TXNDC9: variants seen among roughly 807,000 people sequenced by gnomAD.
The protein encoded by TXNDC9 is thioredoxin domain-containing protein 9.
In TXNDC9, 7 loss-of-function variants were observed where a neutral mutation model predicts 23.0. The observed-to-expected ratio is 0.30, with a 90% CI of 0.17 to 0.57. The LOEUF (loss-of-function observed/expected upper bound fraction) is 0.57. Ranked by LOEUF, TXNDC9 falls within the 20% of genes least tolerant of loss-of-function variation. TXNDC9 has a pLI of 0.90. For synonymous variants in TXNDC9, 72 were observed against 90.6 expected (o/e 0.79, Z 1.17); for missense variants, 198 against 252.6 (o/e 0.78, Z 1.47).
At position 99,322,659 on chromosome 2, in the gene TXNDC9, G is replaced by A. The variant is rs866572221; in HGVS notation, c.309-450C>T. ...AACTTCTTACTCCTAAATATGCAAC[G>A]CTGTCAGTAAGAAGCACATTAAGGC... is the stretch of plus-strand genomic sequence containing the variant. On this transcript the variant is annotated intron_variant, in intron 3 of 4. Coordinates refer to ENST00000264255, the MANE Select transcript of TXNDC9 (RefSeq NM_005783.4). 2.0e-5 allele frequency: 31 copies of A among 1,538,560 alleles called. No homozygotes were observed. In the Middle Eastern group the frequency reaches 2.0e-3, roughly 100 times the overall value.
downstream of TXNDC9, among the ~76,000 whole-genome samples, chr2:99,317,491 G>A (rs2094191849): frequency 6.6e-6 from 1 of 152,130 alleles, no homozygotes; most frequent in African/African-American, 2.4e-5. Context: ...CAGTCACCAT[G>A]ACTACTCCCT....
intron 3 of TXNDC9, among the ~76,000 whole-genome samples, chr2:99,326,134 C>T (rs569465226): frequency 2.6e-5 from 4 of 152,178 alleles, no homozygotes; most frequent in Non-Finnish European, 4.4e-5. Context: ...TGTGCCAATG[C>T]GAGATGGTTG....
Position 99,322,212 on chromosome 2 carries a change from G to T in TXNDC9, c.309-3C>A. On this transcript the variant is annotated splice_region_variant and splice_polypyrimidine_tract_variant and intron_variant, in intron 3 of 4. Transcript: ENST00000264255. ...GATGTCTGTCTAGTATTTTACACCT[G>T]TAAGTGACCACACATAGAAAATTAT... is the stretch of plus-strand genomic sequence containing the variant. 1 of 1,606,770 alleles carries T rather than the reference G, an allele frequency of 6.2e-7. No individual in the cohort carries two copies. The highest frequency in any genetic ancestry group is 8.5e-7 in the Non-Finnish European group (1 of 1,175,334).
At chr2:99,334,214 G>A (rs1184414973) in intron 1 of TXNDC9, among the ~76,000 whole-genome samples, 1 of 152,128 alleles carries the variant, frequency 6.6e-6, no homozygotes, top group East Asian at 1.9e-4. Context: ...GGCCAGGCCC[G>A]GTGGTGTGTG....
At chr2:99,309,899 T>TG in the TXNDC9 span, among the ~76,000 whole-genome samples, 7 of 151,852 alleles carry the variant, frequency 4.6e-5, no homozygotes, top group East Asian at 1.4e-3. Flanking sequence ...TTGGTCAAGC[T>TG]GGTTTGAACT....
At chr2:99,307,193 A>G in the TXNDC9 span, among the ~76,000 whole-genome samples, 5 of 148,944 alleles carry the variant, frequency 3.4e-5, no homozygotes, top group East Asian at 1.0e-3. Flanking sequence ...AATAAAGACA[A>G]GTGTTGGACC....
rs142231194 is a variant in TXNDC9 at position 99,327,594 on chromosome 2, A to G, written c.249T>C (p.Phe83=). The change falls in exon 3 of 5, where the codon TTT becomes TTC. Residue 83 remains phenylalanine (F), a synonymous_variant. Transcript: ENST00000264255. ...CATTTTCACTCTCCTTGACTTCTTG[A>G]AAAAAGTCTCTTTCACTAGGGATTT... is the stretch of plus-strand genomic sequence containing the variant. ...YREIPSERDF[F]QEVKESENVV... is the part of the protein sequence containing the mutation. 1 of 1,613,756 alleles carries G rather than the reference A, an allele frequency of 6.2e-7. No homozygotes were observed. Among genetic ancestry groups the G allele is most frequent in the Non-Finnish European group, 8.5e-7 (1 of 1,179,850 alleles).
chr2:99,306,851 C>A, the TXNDC9 span: 4 of 445,340 alleles, frequency 9.0e-6, no homozygotes, highest in Admixed American at 9.7e-5. Context: ...TATCTATGAT[C>A]ACTCTCATGC....
intron 4 of TXNDC9, 51 bp downstream of exon 4, chr2:99,321,904 A>G (rs750302240): frequency 8.2e-6 from 12 of 1,464,928 alleles, no homozygotes; most frequent in Non-Finnish European, 9.1e-6. Context: ...TTTTGTAAAA[A>G]TATCAACTAT....
Position 99,336,222 on chromosome 2 carries a change from A to C in TXNDC9, c.-33+17T>G, listed in dbSNP as rs1390728464. 1.0e-6 allele frequency: 1 copy of C among 984,698 alleles called. No individual in the cohort carries two copies. The highest frequency in any genetic ancestry group is 1.2e-6 in the Non-Finnish European group (1 of 829,904). The allele number at this position is 984,698 out of a possible 1,614,324, so 61.0% of individuals were successfully genotyped here. ...CGGACGTGGTGGTCGGATTCTTCTC[A>C]CTACCCTCTGCCTCACCTGAGCTCT... On this transcript the variant is annotated intron_variant, in intron 1 of 4. Coordinates refer to ENST00000264255, the MANE Select transcript of TXNDC9 (RefSeq NM_005783.4).
At chr2:99,334,291 T>C (rs2094233334) in intron 1 of TXNDC9, among the ~76,000 whole-genome samples, 1 of 152,014 alleles carries the variant, frequency 6.6e-6, no homozygotes, top group Non-Finnish European at 1.5e-5. Flanking sequence ...GAGGCAGAGG[T>C]TGCAGTGGGC....
At chr2:99,334,251 T>C (rs1306768331) in intron 1 of TXNDC9, among the ~76,000 whole-genome samples, 1 of 151,534 alleles carries the variant, frequency 6.6e-6, no homozygotes, top group Non-Finnish European at 1.5e-5. Flanking sequence ...CTAGGGAGGC[T>C]GAAGTGGGAG....
chr2:99,333,010 CAG>C lies in TXNDC9; in HGVS notation c.189+10_189+11del, dbSNP rs1235649772. The C allele has an allele frequency of 6.2e-7, 1 of 1,608,356 alleles. No individual in the cohort carries two copies. The highest frequency in any genetic ancestry group is 1.1e-5 in the South Asian group (1 of 90,930). On this transcript the variant is annotated intron_variant, in intron 2 of 4. Coordinates refer to ENST00000264255, the MANE Select transcript of TXNDC9 (RefSeq NM_005783.4). ...GTTATAGCAATTTCAGAAAGCAGGG[CAG>C]AGAGGTTACTTGTTTCTGCTGTTGA...
At chr2:99,320,479 C>T (rs2094198888) in intron 4 of TXNDC9, among the ~76,000 whole-genome samples, 1 of 152,114 alleles carries the variant, frequency 6.6e-6, no homozygotes, top group South Asian at 2.1e-4. Flanking sequence ...TTAAGACAAA[C>T]CCAAACTGGG....
At position 99,325,611 on chromosome 2, in the gene TXNDC9, C is replaced by T. The variant is rs555245607; in HGVS notation, c.308+1924G>A. ...ATGTATTTATTGACCACCTACTATGCGTCAGGCAGTTGCTTTAGGGCTATG... is the reference window on the plus strand; with the variant it reads ...ATGTATTTATTGACCACCTACTATGTGTCAGGCAGTTGCTTTAGGGCTATG... On this transcript the variant is annotated intron_variant, in intron 3 of 4. Transcript: ENST00000264255. 2.0e-5 allele frequency among the ~76,000 whole-genome samples: 3 copies of T among 152,236 alleles called. No individual in the cohort carries two copies. In the South Asian group the frequency reaches 6.2e-4, roughly 32 times the overall value.
chr2:99,315,207 C>T (rs2094186303), downstream of TXNDC9, among the ~76,000 whole-genome samples: 1 of 151,754 alleles, frequency 6.6e-6, no homozygotes, highest in African/African-American at 2.4e-5. Flanking sequence ...GGACTACAGG[C>T]GCATGCCACC....
intron 2 of TXNDC9, among the ~76,000 whole-genome samples, chr2:99,329,880 T>C (rs1316460108): frequency 2.0e-5 from 3 of 151,898 alleles, no homozygotes; most frequent in Non-Finnish European, 2.9e-5. Flanking sequence ...GGCACAATAA[T>C]TGCTTGAACT....
At chr2:99,314,845 T>TA (rs1020797955), downstream of TXNDC9, among the ~76,000 whole-genome samples, 4 of 151,784 alleles carry the variant, frequency 2.6e-5, no homozygotes, top group African/African-American at 9.7e-5. Flanking sequence ...TTCATGTACT[T>TA]ACTGCCCAAC....
intron 2 of TXNDC9, among the ~76,000 whole-genome samples, chr2:99,328,262 ATTTTT>A (rs59604079): frequency 8.0e-4 from 110 of 138,058 alleles, no homozygotes; most frequent in Middle Eastern, 3.7e-3. Context: ...CACGCCTGGC[ATTTTT>A]TTTTTTTTTT....
Sources: allele counts gnomAD v4.1 joint callset (sites outside exome capture counted in the v4.1 genomes callset), GRCh38; gene constraint gnomAD v4.1.1; transcripts MANE v1.5; gene names NCBI Gene and HGNC (gene_info 2026-07-23, HGNC 2026-07-21).